CTNNA2: variants seen among roughly 807,000 people sequenced by gnomAD.
The protein encoded by CTNNA2 is catenin alpha-2.
CTNNA2 carries 42 observed loss-of-function variants against 101.0 expected under a neutral mutation model. The ratio of observed to expected loss-of-function variants is 0.42; its 90% confidence interval spans 0.32 to 0.54. The LOEUF is 0.54. Among genes scored for constraint, CTNNA2 ranks in the 20% least tolerant of loss-of-function variants. CTNNA2 has a pLI of 0.14. For synonymous variants in CTNNA2, 450 were observed against 456.4 expected (o/e 0.99, Z 0.18); for missense variants, 871 against 1,223.1 (o/e 0.71, Z 4.29).
chr2:80,502,137 A>G (rs1057368144), intron 9 of CTNNA2, among the ~76,000 whole-genome samples: 8 of 152,294 alleles, frequency 5.3e-5, no homozygotes, highest in Non-Finnish European at 1.2e-4. Context: ...ATCCCTAAAT[A>G]TATACACATT....
chr2:80,481,856 A>G (rs1402368502), intron 9 of CTNNA2, among the ~76,000 whole-genome samples: 8 of 152,092 alleles, frequency 5.3e-5, no homozygotes, highest in Non-Finnish European at 1.2e-4. Flanking sequence ...TGATACTATA[A>G]AGGACTTCAT....
chr2:80,602,614 G>A (rs1013634707), intron 15 of CTNNA2, among the ~76,000 whole-genome samples: 2 of 151,972 alleles, frequency 1.3e-5, no homozygotes, highest in African/African-American at 2.4e-5. Flanking sequence ...CTGTATCCAA[G>A]TGTTCCTTAA....
chr2:79,993,469 C>T (rs552271102), intron 7 of CTNNA2, among the ~76,000 whole-genome samples: 61 of 152,256 alleles, frequency 4.0e-4, no homozygotes, highest in African/African-American at 1.4e-3. Context: ...TTGTTGCCCT[C>T]GGGCATCTTA....
chr2:79,623,111 A>G (rs1170895342), intron 1 of CTNNA2, among the ~76,000 whole-genome samples: 1 of 152,184 alleles, frequency 6.6e-6, no homozygotes, highest in African/African-American at 2.4e-5. Flanking sequence ...GATGTTCATG[A>G]ATCATAGTCT....
intron 3 of CTNNA2, among the ~76,000 whole-genome samples, chr2:79,848,042 A>T (rs1310820651): frequency 6.6e-6 from 1 of 152,184 alleles, no homozygotes; most frequent in Non-Finnish European, 1.5e-5. Flanking sequence ...TGATCAATAG[A>T]AACATTTATT....
At chr2:80,335,464 C>G (rs1395294632) in intron 7 of CTNNA2, among the ~76,000 whole-genome samples, 2 of 152,098 alleles carry the variant, frequency 1.3e-5, no homozygotes, top group East Asian at 1.9e-4. Context: ...GGGGTCAGAC[C>G]ACAGGGCTGT....
At chr2:79,708,508 A>G (rs1288120792) in intron 2 of CTNNA2, among the ~76,000 whole-genome samples, 1 of 152,162 alleles carries the variant, frequency 6.6e-6, no homozygotes, top group Non-Finnish European at 1.5e-5. Context: ...TCTTTTGTCT[A>G]TGCTTTCATA....
chr2:80,380,621 G>A (rs2149348320), intron 7 of CTNNA2, among the ~76,000 whole-genome samples: 1 of 152,300 alleles, frequency 6.6e-6, no homozygotes, highest in East Asian at 1.9e-4. Context: ...CCTAGGCAAA[G>A]GTCTTATTGT....
At chr2:79,663,635 C>A (rs555893482) in intron 2 of CTNNA2, among the ~76,000 whole-genome samples, 2 of 151,724 alleles carry the variant, frequency 1.3e-5, no homozygotes, top group Admixed American at 1.3e-4. Context: ...TCTGACCACT[C>A]TTTTTTTTTA....
At chr2:79,632,708 A>G (rs62140102) in intron 1 of CTNNA2, among the ~76,000 whole-genome samples, 8,244 of 152,292 alleles carry the variant, frequency 0.054, 304 homozygotes, top group Non-Finnish European at 0.073. Context: ...CCATTAAACA[A>G]TGCTGGCCTT....
At chr2:80,075,249 C>T (rs1020376250) in intron 7 of CTNNA2, among the ~76,000 whole-genome samples, 11 of 152,030 alleles carry the variant, frequency 7.2e-5, no homozygotes, top group South Asian at 4.1e-4. Flanking sequence ...CCATCCTGTA[C>T]CATCTAAGAT....
At chr2:79,899,830 T>C (rs1422076009) in intron 6 of CTNNA2, among the ~76,000 whole-genome samples, 1 of 152,342 alleles carries the variant, frequency 6.6e-6, no homozygotes, top group East Asian at 1.9e-4. Flanking sequence ...AAAAAATACA[T>C]GATTAAAACT....
At chr2:79,585,480 A>G (rs944484408) in intron 1 of CTNNA2, among the ~76,000 whole-genome samples, 47 of 151,896 alleles carry the variant, frequency 3.1e-4, no homozygotes, top group African/African-American at 1.1e-3. Context: ...TTATTGTTAT[A>G]TATTTGGCTT....
In CTNNA2 at chr2:79,749,830, G is replaced by A. The variant is rs190131367; in HGVS notation, c.298+5248G>A. 1.6e-3 allele frequency among the ~76,000 whole-genome samples: 241 copies of A among 152,200 alleles called. 1 individual carries two copies. Among genetic ancestry groups the A allele is most frequent in the African/African-American group, 5.1e-3 (212 of 41,514 alleles). On this transcript the variant is annotated intron_variant, in intron 3 of 18. Transcript: ENST00000402739. ...TGAAGTCACAGGGGATTAAAAAAAC[G>A]CTAAATGTTCTATAGATGTCAGAGT...
intron 7 of CTNNA2, among the ~76,000 whole-genome samples, chr2:80,293,719 G>A (rs2149185169): frequency 6.6e-6 from 1 of 152,266 alleles, no homozygotes; most frequent in African/African-American, 2.4e-5. Flanking sequence ...CCACCGATCA[G>A]TGTCCTACTA....
chr2:80,455,766 A>G (rs926330780), intron 9 of CTNNA2, among the ~76,000 whole-genome samples: 1 of 152,210 alleles, frequency 6.6e-6, no homozygotes, highest in African/African-American at 2.4e-5. Context: ...ATTGCTTACC[A>G]TTGAGCAGGG....
intron 12 of CTNNA2, among the ~76,000 whole-genome samples, chr2:80,558,097 C>A (rs781694880): frequency 6.6e-6 from 1 of 152,014 alleles, no homozygotes; most frequent in South Asian, 2.1e-4. Flanking sequence ...GGAAAGTAAC[C>A]AGGCAGAGAC....
chr2:79,893,886 A>T (rs191681691), intron 6 of CTNNA2, among the ~76,000 whole-genome samples: 2 of 152,184 alleles, frequency 1.3e-5, no homozygotes, highest in Non-Finnish European at 2.9e-5. Context: ...AGCTCTAGAC[A>T]TCTGTTTAGC....
intron 7 of CTNNA2, among the ~76,000 whole-genome samples, chr2:80,183,226 G>A (rs752135181): frequency 5.3e-5 from 8 of 152,028 alleles, no homozygotes; most frequent in Non-Finnish European, 8.8e-5. Flanking sequence ...GTCAATCAGG[G>A]GTGGTAGTGA....
Sources: gnomAD v4.1 joint callset for allele counts (sites outside exome capture counted in the v4.1 genomes callset) on GRCh38, gnomAD v4.1.1 for gene constraint, MANE v1.5 for transcripts, NCBI Gene and HGNC (gene_info 2026-07-23, HGNC 2026-07-21) for gene names.